NR3C1: variants seen among roughly 807,000 people sequenced by gnomAD.
NR3C1 encodes the protein glucocorticoid receptor.
Under a neutral mutation model 74.0 loss-of-function variants are expected in NR3C1, and 14 were observed. That is an observed-to-expected ratio of 0.19 (90% CI 0.12 to 0.30). The LOEUF (loss-of-function observed/expected upper bound fraction) is 0.30, where lower values mean the gene tolerates loss of function less well. Ranked by LOEUF, NR3C1 falls within the 10% of genes least tolerant of loss-of-function variation. The pLI is 1.00. For synonymous variants in NR3C1, 308 were observed against 332.5 expected, an observed-to-expected ratio of 0.93 and a Z score of 0.80; for missense variants, 695 against 909.8, an observed-to-expected ratio of 0.76 and a Z score of 3.04.
At chr5:143,330,142 C>T (rs557893915) in intron 2 of NR3C1, among the ~76,000 whole-genome samples, 3 of 152,194 alleles carry the variant, frequency 2.0e-5, no homozygotes, top group South Asian at 2.1e-4. Flanking sequence ...AGAAAAGTAA[C>T]GTGTCTCTTC....
At chr5:143,364,344 C>A (rs796083211) in intron 2 of NR3C1, among the ~76,000 whole-genome samples, 29 of 152,306 alleles carry the variant, frequency 1.9e-4, no homozygotes, top group African/African-American at 6.5e-4. Context: ...ATAACAAAAA[C>A]TGTGAGAGTC....
intron 4 of NR3C1, among the ~76,000 whole-genome samples, chr5:143,308,277 T>C (rs149430003): frequency 1.8e-3 from 281 of 151,962 alleles, no homozygotes; most frequent in African/African-American, 6.4e-3. Flanking sequence ...CCTGGGAACA[T>C]AGCAAGACCC....
intron 2 of NR3C1, among the ~76,000 whole-genome samples, chr5:143,397,187 T>G (rs1426674170): frequency 2.0e-5 from 3 of 151,880 alleles, no homozygotes. Flanking sequence ...TTTTAAGTAT[T>G]CTGATAAAAA....
chr5:143,288,784 T>C (rs1227773024), intron 7 of NR3C1, among the ~76,000 whole-genome samples: 1 of 151,936 alleles, frequency 6.6e-6, no homozygotes, highest in Admixed American at 6.6e-5. Context: ...CAAAAGACTT[T>C]TTGGTAGAGA....
Position 143,280,069 on chromosome 5 carries a change from T to C in NR3C1, c.*1820A>G, listed in dbSNP as rs1043498361. The C allele has an allele frequency of 6.6e-6, 1 of 152,550 alleles. No individual in the cohort carries two copies. The highest frequency in any genetic ancestry group is 2.4e-5 in the African/African-American group (1 of 41,442). 9.4% of individuals were successfully genotyped at this position (152,550 alleles called of 1,614,324 possible). A position where few individuals can be genotyped will look rare whatever the true frequency, so the allele number is the denominator to read the frequency against. Reference sequence around the variant, plus strand: ...ACCTTCACTGCACACAGGACCAGTCTCCATCTCCCTCTTCCCCTAGAGCAA... The same window carrying C: ...ACCTTCACTGCACACAGGACCAGTCCCCATCTCCCTCTTCCCCTAGAGCAA... On this transcript the variant is annotated 3_prime_UTR_variant, in exon 9 of 9. Transcript: ENST00000394464.
chr5:143,371,577 C>CA (rs1231304235), intron 2 of NR3C1, among the ~76,000 whole-genome samples: 2 of 152,130 alleles, frequency 1.3e-5, no homozygotes, highest in Admixed American at 1.3e-4. Context: ...AAGTATAAAG[C>CA]AAAAAAACCG....
intron 7 of NR3C1, among the ~76,000 whole-genome samples, chr5:143,292,500 T>G (rs1383423273): frequency 1.3e-5 from 2 of 152,174 alleles, no homozygotes; most frequent in East Asian, 1.9e-4. Context: ...GGCAGGCCTT[T>G]TGTTGTGAAC....
chr5:143,414,330 C>T (rs1429576606), intron 1 of NR3C1, among the ~76,000 whole-genome samples: 1 of 152,132 alleles, frequency 6.6e-6, no homozygotes, highest in Non-Finnish European at 1.5e-5. Flanking sequence ...GCTTATTTTG[C>T]TCCTTCTGTC....
chr5:143,346,630 C>A lies in NR3C1; in HGVS notation c.1185-32462G>T, dbSNP rs547322786. Among the ~76,000 whole-genome samples, 23 of 152,172 alleles carry A rather than the reference C, an allele frequency of 1.5e-4. No individual in the cohort carries two copies. In the South Asian group the frequency reaches 4.8e-3, roughly 32 times the overall value. The stretch of plus-strand genomic sequence containing the variant: ...CGTCGTGATTACAAGGAGATCGCCA[C>A]CAAAATAATGTTTATATCCTAGTTG... On this transcript the variant is annotated intron_variant, in intron 2 of 8. Coordinates refer to ENST00000394464, the MANE Select transcript of NR3C1 (RefSeq NM_000176.3).
chr5:143,293,652 C>T (rs1003264559), intron 7 of NR3C1, among the ~76,000 whole-genome samples: 33 of 152,296 alleles, frequency 2.2e-4, no homozygotes, highest in African/African-American at 7.2e-4. Flanking sequence ...TTCCTGCCTT[C>T]ACTTAGTTCT....
At chr5:143,316,196 A>T (rs1822036610) in intron 2 of NR3C1, among the ~76,000 whole-genome samples, 1 of 152,220 alleles carries the variant, frequency 6.6e-6, no homozygotes, top group African/African-American at 2.4e-5. Context: ...TTTCCAGAGA[A>T]GTAGGAAGGT....
intron 2 of NR3C1, among the ~76,000 whole-genome samples, chr5:143,372,000 G>T (rs1834316501): frequency 6.6e-6 from 1 of 152,110 alleles, no homozygotes; most frequent in South Asian, 2.1e-4. Context: ...TGAAATCACA[G>T]GTAGTACCAA....
chr5:143,304,919 T>C (rs1164968914), intron 4 of NR3C1, among the ~76,000 whole-genome samples: 1 of 152,144 alleles, frequency 6.6e-6, no homozygotes, highest in Non-Finnish European at 1.5e-5. Flanking sequence ...AAGATGTAAA[T>C]GTAAGACCTC....
chr5:143,322,255 T>C (rs1461162572), intron 2 of NR3C1, among the ~76,000 whole-genome samples: 1 of 152,218 alleles, frequency 6.6e-6, no homozygotes, highest in Non-Finnish European at 1.5e-5. Flanking sequence ...ACTAGTAAAG[T>C]CAGGGTTCAA....
intron 2 of NR3C1, among the ~76,000 whole-genome samples, chr5:143,339,195 CA>C (rs1827745789): frequency 6.6e-6 from 1 of 152,092 alleles, no homozygotes; most frequent in Admixed American, 6.6e-5. Context: ...TACATGACTG[CA>C]TATTTGTTTT....
At chr5:143,404,660 G>A (rs1267027308), upstream of NR3C1, 3 of 338,890 alleles carry the variant, frequency 8.9e-6, no homozygotes, top group Admixed American at 6.5e-5. Flanking sequence ...CCTCCAGCGA[G>A]CTGGATTTCT....
chr5:143,288,349 G>GACTT (rs1249437614), intron 7 of NR3C1, among the ~76,000 whole-genome samples: 1 of 152,052 alleles, frequency 6.6e-6, no homozygotes, highest in African/African-American at 2.4e-5. Flanking sequence ...TCGAACTCCT[G>GACTT]ACTTGATGAT....
At chr5:143,337,874 G>C (rs556450125) in intron 2 of NR3C1, among the ~76,000 whole-genome samples, 2 of 152,284 alleles carry the variant, frequency 1.3e-5, no homozygotes, top group African/African-American at 4.8e-5. Context: ...ACATTTGTCA[G>C]GGCAGTGGTT....
At chr5:143,333,249 A>G in intron 2 of NR3C1, 1 of 1,306,068 alleles carries the variant, frequency 7.7e-7, no homozygotes, top group Non-Finnish European at 1.1e-6. Flanking sequence ...GACCCAGGTG[A>G]GGCAGGGCTG....
Sources: allele counts gnomAD v4.1 joint callset (sites outside exome capture counted in the v4.1 genomes callset), GRCh38; gene constraint gnomAD v4.1.1; transcripts MANE v1.5; gene names NCBI Gene and HGNC (gene_info 2026-07-23, HGNC 2026-07-21).